The following KCNQ5 variants were observed in gnomAD, a reference collection of about 807,000 sequenced individuals.
KCNQ5 encodes the protein potassium voltage-gated channel subfamily KQT member 5.
KCNQ5 carries 30 observed loss-of-function variants against 98.2 expected under a neutral mutation model. The observed-to-expected ratio is 0.31, with a 90% CI of 0.23 to 0.41. The LOEUF (loss-of-function observed/expected upper bound fraction) is 0.41, where lower values mean the gene tolerates loss of function less well. Among genes scored for constraint, KCNQ5 ranks in the 10% least tolerant of loss-of-function variants. The probability of loss-of-function intolerance (pLI) is 1.00; values close to 1 mark genes in which losing one functional copy is unlikely to be tolerated. For synonymous variants in KCNQ5, 458 were observed against 449.4 expected, an observed-to-expected ratio of 1.02 and a Z score of -0.24; for missense variants, 835 against 1,182.5, an observed-to-expected ratio of 0.71 and a Z score of 4.31.
intron 2 of KCNQ5, among the ~76,000 whole-genome samples, chr6:73,033,361 A>G (rs891856999): frequency 4.6e-5 from 7 of 152,198 alleles, no homozygotes; most frequent in African/African-American, 1.7e-4. Context: ...TCTTCTGAAG[A>G]ACCTCTGGGA....
intron 1 of KCNQ5, among the ~76,000 whole-genome samples, chr6:72,940,015 G>T (rs1024549323): frequency 6.6e-6 from 1 of 152,056 alleles, no homozygotes; most frequent in Admixed American, 6.6e-5. Flanking sequence ...TCATTTTAAG[G>T]TTTGAAAGAA....
At chr6:72,684,827 T>G (rs1037700850) in intron 1 of KCNQ5, among the ~76,000 whole-genome samples, 4 of 152,120 alleles carry the variant, frequency 2.6e-5, no homozygotes, top group Non-Finnish European at 4.4e-5. Context: ...TGTGTGTGTA[T>G]GCATTTGTGT....
chr6:72,805,277 TGTA>T (rs1774892728), intron 1 of KCNQ5, among the ~76,000 whole-genome samples: 1 of 152,132 alleles, frequency 6.6e-6, no homozygotes, highest in East Asian at 1.9e-4. Context: ...AATGTTTTCT[TGTA>T]GTAGTTTCAT....
At chr6:73,186,495 G>A (rs76293633) in intron 11 of KCNQ5, among the ~76,000 whole-genome samples, 3,486 of 152,250 alleles carry the variant, frequency 0.023, 119 homozygotes, top group African/African-American at 0.079. Flanking sequence ...ATCCTGATTT[G>A]TATTGTTTGC....
intron 5 of KCNQ5, 93 bp from the exon 6 acceptor site, chr6:73,105,164 T>C (rs1484050738): frequency 5.0e-6 from 3 of 603,756 alleles, no homozygotes; most frequent in African/African-American, 3.8e-5. Context: ...TGTTGAATAA[T>C]GATTTAGTGG....
At chr6:72,905,919 G>A (rs1779679483) in intron 1 of KCNQ5, among the ~76,000 whole-genome samples, 1 of 152,148 alleles carries the variant, frequency 6.6e-6, no homozygotes, top group Non-Finnish European at 1.5e-5. Flanking sequence ...ATCTGTGGCA[G>A]TATGGAGAGG....
chr6:73,125,398 A>G (rs754421999), intron 9 of KCNQ5: 34 of 517,946 alleles, frequency 6.6e-5, no homozygotes, highest in Middle Eastern at 3.2e-4. Flanking sequence ...TGATGTGAAG[A>G]GTGGCAGAGG....
At chr6:73,149,702 C>T (rs990501728) in intron 10 of KCNQ5, among the ~76,000 whole-genome samples, 5 of 150,294 alleles carry the variant, frequency 3.3e-5, no homozygotes, top group Non-Finnish European at 5.9e-5. Flanking sequence ...GAGGCTGAGG[C>T]GGAAGAATCG....
intron 1 of KCNQ5, among the ~76,000 whole-genome samples, chr6:72,908,716 C>A (rs1156363552): frequency 6.6e-6 from 1 of 151,964 alleles, no homozygotes; most frequent in Non-Finnish European, 1.5e-5. Flanking sequence ...TTATTCAACA[C>A]CAGGATATCA....
At chr6:72,852,359 A>G in intron 1 of KCNQ5, among the ~76,000 whole-genome samples, 1 of 151,840 alleles carries the variant, frequency 6.6e-6, no homozygotes, top group East Asian at 1.9e-4. Context: ...GAATCAACCT[A>G]TGTGCCCATC....
intron 1 of KCNQ5, among the ~76,000 whole-genome samples, chr6:72,748,405 T>C (rs557473403): frequency 6.6e-6 from 1 of 152,224 alleles, no homozygotes; most frequent in South Asian, 2.1e-4. Context: ...TCACAGCCTG[T>C]TATGAATGAG....
At chr6:73,149,697 T>G (rs960330089) in intron 10 of KCNQ5, among the ~76,000 whole-genome samples, 5 of 150,942 alleles carry the variant, frequency 3.3e-5, no homozygotes, top group Admixed American at 1.3e-4. Flanking sequence ...CTCAGGAGGC[T>G]GAGGCGGAAG....
chr6:73,173,668 GGGCA>G, intron 11 of KCNQ5, among the ~76,000 whole-genome samples: 1 of 152,092 alleles, frequency 6.6e-6, no homozygotes, highest in Non-Finnish European at 1.5e-5. Context: ...TAAAATAACA[GGGCA>G]GGCATGGTGG....
intron 1 of KCNQ5, among the ~76,000 whole-genome samples, chr6:72,910,927 G>A (rs1779917719): frequency 1.3e-5 from 2 of 152,234 alleles, no homozygotes; most frequent in African/African-American, 4.8e-5. Flanking sequence ...TTAGACACTT[G>A]CAAGGGAGGA....
chr6:72,654,871 CTG>C (rs1251806930), intron 1 of KCNQ5, among the ~76,000 whole-genome samples: 1 of 151,960 alleles, frequency 6.6e-6, no homozygotes, highest in African/African-American at 2.4e-5. Context: ...ACAAAGAAAA[CTG>C]TACTTTTGAC....
intron 10 of KCNQ5, among the ~76,000 whole-genome samples, chr6:73,165,347 A>T (rs1777754521): frequency 6.6e-6 from 1 of 152,112 alleles, no homozygotes; most frequent in South Asian, 2.1e-4. Flanking sequence ...ACATCTGGGC[A>T]TCTCCCAGGG....
At chr6:72,640,010 T>G (rs548508707) in intron 1 of KCNQ5, among the ~76,000 whole-genome samples, 1 of 152,196 alleles carries the variant, frequency 6.6e-6, no homozygotes, top group Non-Finnish European at 1.5e-5. Context: ...CATTAAGAGA[T>G]AAATAACGCG....
At chr6:73,166,428 T>A (rs1432695572) in intron 10 of KCNQ5, among the ~76,000 whole-genome samples, 6 of 129,774 alleles carry the variant, frequency 4.6e-5, no homozygotes. Flanking sequence ...AGAGTGAGAC[T>A]CTGTCTCAAA....
At chr6:72,913,105 A>T (rs1229191302) in intron 1 of KCNQ5, among the ~76,000 whole-genome samples, 1 of 152,174 alleles carries the variant, frequency 6.6e-6, no homozygotes, top group East Asian at 1.9e-4. Flanking sequence ...TTTATGATAT[A>T]TACATTAAGC....
Sources: allele counts gnomAD v4.1 joint callset (sites outside exome capture counted in the v4.1 genomes callset), GRCh38; gene constraint gnomAD v4.1.1; transcripts MANE v1.5; gene names NCBI Gene and HGNC (gene_info 2026-07-23, HGNC 2026-07-21).